The following CCR9 variants were observed in gnomAD, a reference collection of about 807,000 sequenced individuals.
CCR9 encodes C-C chemokine receptor type 9.
CCR9 carries 4 observed loss-of-function variants against 8.7 expected under a neutral mutation model. That is an observed-to-expected ratio of 0.46 (90% CI 0.23 to 1.06). CCR9 has a LOEUF of 1.06. Among genes scored for constraint, CCR9 ranks in the 50% least tolerant of loss-of-function variants. The probability of loss-of-function intolerance (pLI) is 0.21; values close to 1 mark genes in which losing one functional copy is unlikely to be tolerated. For missense variants in CCR9, 394 were observed against 453.6 expected (o/e 0.87, Z 1.19); for synonymous variants, 159 against 168.8 (o/e 0.94, Z 0.45).
chr3:45,890,352 T>TAAATATATATATATATAAC (rs1702137743), intron 1 of CCR9, among the ~76,000 whole-genome samples: 2 of 16,170 alleles, frequency 1.2e-4, no homozygotes, highest in African/African-American at 5.0e-4. Context: ...ATATATAACA[T>TAAATATATATATATATAAC]ATATATATAT....
chr3:45,886,131 T>A (rs974266747), upstream of CCR9, among the ~76,000 whole-genome samples: 2 of 152,176 alleles, frequency 1.3e-5, no homozygotes, highest in Non-Finnish European at 2.9e-5. Context: ...CCAGAAAAGG[T>A]ATGTTGCGAT....
chr3:45,893,040 C>G (rs946788462), intron 1 of CCR9, among the ~76,000 whole-genome samples: 7 of 152,204 alleles, frequency 4.6e-5, no homozygotes, highest in African/African-American at 1.7e-4. Context: ...CGTACATACA[C>G]CCTTGCGAAG....
At chr3:45,895,234 G>C (rs1005349055) in intron 2 of CCR9, 9 of 505,408 alleles carry the variant, frequency 1.8e-5, no homozygotes, top group Non-Finnish European at 3.2e-5. Flanking sequence ...ACTAGGGTGT[G>C]CTTAGTTCCA....
chr3:45,902,087 A>C lies in CCR9; in HGVS notation c.*189A>C. 1 of 571,844 alleles carries C rather than the reference A, an allele frequency of 1.7e-6. No individual in the cohort carries two copies. The allele number at this position is 571,844 out of a possible 1,614,324, so 35.4% of individuals were successfully genotyped here. A position where few individuals can be genotyped will look rare whatever the true frequency, so the allele number is the denominator to read the frequency against. On this transcript the variant is annotated 3_prime_UTR_variant, in exon 3 of 3. Coordinates refer to ENST00000357632, the MANE Select transcript of CCR9 (RefSeq NM_031200.3). ...TTCAAAATCAACTGACTAGTGCAGG[A>C]GGCTGTTGATTGGCTCTTGACTGTG... is the stretch of plus-strand genomic sequence containing the variant.
chr3:45,887,727 G>T (rs952751443), intron 1 of CCR9, among the ~76,000 whole-genome samples: 2 of 152,214 alleles, frequency 1.3e-5, no homozygotes, highest in African/African-American at 4.8e-5. Flanking sequence ...AAGCCTCTTT[G>T]TGTAGGCCTC....
intron 1 of CCR9, among the ~76,000 whole-genome samples, chr3:45,892,224 A>T (rs1702202809): frequency 6.6e-6 from 1 of 152,214 alleles, no homozygotes; most frequent in Non-Finnish European, 1.5e-5. Flanking sequence ...ATCTAATTTA[A>T]TCTTAAAAAC....
rs551432132 is a variant in CCR9, at chr3:45,889,339, C to CTAG, written c.-29+2686_-29+2688dup. Among the ~76,000 whole-genome samples, 151 of 152,178 alleles carry CTAG rather than the reference C, an allele frequency of 9.9e-4. 2 individuals carry two copies. The highest frequency in any genetic ancestry group is 1.5e-3 in the Non-Finnish European group (104 of 67,994). On this transcript the variant is annotated intron_variant, in intron 1 of 2. Coordinates refer to ENST00000357632, the MANE Select transcript of CCR9 (RefSeq NM_031200.3). Reference sequence around the variant, plus strand: ...AATAAAGAGAAACCTTTATAGAAAGCTAGTGTACAACTTAGTTGCATAAAG... The same window carrying CTAG: ...AATAAAGAGAAACCTTTATAGAAAGCTAGTAGTGTACAACTTAGTTGCATAAAG...
rs1702592016 is a variant in CCR9, at chr3:45,902,546, C to T, written c.*648C>T. 1.2e-5 allele frequency: 2 copies of T among 167,210 alleles called. No individual in the cohort carries two copies. The highest frequency in any genetic ancestry group is 1.5e-5 in the Non-Finnish European group (1 of 68,220). 10.4% of individuals were successfully genotyped at this position (167,210 alleles called of 1,614,324 possible). On this transcript the variant is annotated 3_prime_UTR_variant, in exon 3 of 3. Transcript: ENST00000357632. ...GAACCCCTGGACAACTGACCACACCCACAAGGCATCCAAAGTCTGTTGGCT... is the reference window on the plus strand; with the variant it reads ...GAACCCCTGGACAACTGACCACACCTACAAGGCATCCAAAGTCTGTTGGCT...
chr3:45,902,115 G>A lies in CCR9; in HGVS notation c.*217G>A. 1 of 496,198 alleles carries A rather than the reference G, an allele frequency of 2.0e-6. No individual in the cohort carries two copies. Among genetic ancestry groups the A allele is most frequent in the Non-Finnish European group, 3.6e-6 (1 of 275,574 alleles). 30.7% of individuals were successfully genotyped at this position (496,198 alleles called of 1,614,324 possible). On this transcript the variant is annotated 3_prime_UTR_variant, in exon 3 of 3. Coordinates refer to ENST00000357632, the MANE Select transcript of CCR9 (RefSeq NM_031200.3). The stretch of plus-strand genomic sequence containing the variant: ...CTGTTGATTGGCTCTTGACTGTGAT[G>A]CCCGCAATTCTCAAAGGAGGACTAA...
At chr3:45,897,992 A>AAC (rs1553617314) in intron 2 of CCR9, among the ~76,000 whole-genome samples, 6 of 149,526 alleles carry the variant, frequency 4.0e-5, no homozygotes, top group East Asian at 2.0e-4. Flanking sequence ...AAAAAAAAAA[A>AAC]ACACACAAAA....
At position 45,901,276 on chromosome 3, in the gene CCR9, T is replaced by G. The variant is rs1195028396; in HGVS notation, c.488T>G (p.Leu163Trp). The G allele has an allele frequency of 2.8e-5, 45 of 1,614,116 alleles. No homozygotes were observed. The highest frequency in any genetic ancestry group is 3.4e-5 in the Non-Finnish European group (40 of 1,180,050). The change falls in exon 3 of 3, where the codon TTG becomes TGG. Residue 163 changes from leucine (L) to tryptophan (W), a missense_variant. Leu to Trp is a moderately conservative substitution (Grantham distance 61, BLOSUM62 -2). Transcript: ENST00000357632. The surrounding 1 kb of genome is among the most constrained non-coding windows in gnomAD (Gnocchi z 4.3). ...RAHTWREKRL[L>W]YSKMVCFTIW... is the part of the protein sequence containing the mutation. ...CATACTTGGAGGGAGAAAAGGCTTT[T>G]GTACAGCAAAATGGTTTGCTTTACC...
At position 45,900,937 on chromosome 3, in the gene CCR9, T is replaced by TC. The variant is rs1395192827; in HGVS notation, c.151dup (p.Leu51ProfsTer44). On this transcript the variant is annotated frameshift_variant, in exon 3 of 3. Coordinates refer to ENST00000357632, the MANE Select transcript of CCR9 (RefSeq NM_031200.3). LOFTEE classifies it low-confidence loss of function (END_TRUNC). The surrounding 1 kb of genome is among the most constrained non-coding windows in gnomAD (Gnocchi z 4.7). ...AATGTCAGGCAGTTTGCGAGCCATT[T>TC]CCTCCCACCCTTGTACTGGCTCGTG... 2 of 1,614,090 alleles carry TC rather than the reference T, an allele frequency of 1.2e-6. No individual in the cohort carries two copies. The highest frequency in any genetic ancestry group is 8.5e-7 in the Non-Finnish European group (1 of 1,180,040).
At chr3:45,894,674 C>A (rs1406748021) in intron 1 of CCR9, among the ~76,000 whole-genome samples, 1 of 152,064 alleles carries the variant, frequency 6.6e-6, no homozygotes, top group Non-Finnish European at 1.5e-5. Context: ...ATCAGGTGAC[C>A]CTCAGAGTCA....
chr3:45,901,826 T>G lies in CCR9; in HGVS notation c.1038T>G (p.Phe346Leu), dbSNP rs200106483. 1 of 1,613,838 alleles carries G rather than the reference T, an allele frequency of 6.2e-7. No homozygotes were observed. Among genetic ancestry groups the G allele is most frequent in the Non-Finnish European group, 8.5e-7 (1 of 1,179,722 alleles). ...GCISQAQWVS[F>L]TRREGSLKLS... Reference sequence around the variant, plus strand: ...TCAGCCAGGCCCAGTGGGTTTCATTTACAAGGAGAGAGGGAAGCTTGAAGC... The same window carrying G: ...TCAGCCAGGCCCAGTGGGTTTCATTGACAAGGAGAGAGGGAAGCTTGAAGC... Residue 346 changes from phenylalanine (F) to leucine (L), a missense_variant, in exon 3 of 3, where the codon TTT (phenylalanine) becomes TTG (leucine). Physicochemically the swap from Phe to Leu is conservative, Grantham distance 22 (BLOSUM62 0). Transcript: ENST00000357632. The surrounding 1 kb of genome is among the most constrained non-coding windows in gnomAD (Gnocchi z 4.3).
intron 2 of CCR9, among the ~76,000 whole-genome samples, chr3:45,898,058 C>T (rs1173231824): frequency 6.6e-6 from 1 of 151,634 alleles, no homozygotes; most frequent in African/African-American, 2.4e-5. Context: ...AAGTTTAGCA[C>T]TTATTCATTG....
At position 45,902,569 on chromosome 3, in the gene CCR9, G is replaced by C. The variant is rs200857548; in HGVS notation, c.*671G>C. 4.8e-5 allele frequency: 8 copies of C among 167,300 alleles called. No homozygotes were observed. The South Asian group carries it at 1.7e-3, about 35-fold the overall frequency. The allele number at this position is 167,300 out of a possible 1,614,324, so 10.4% of individuals were successfully genotyped here. On this transcript the variant is annotated 3_prime_UTR_variant, in exon 3 of 3. Coordinates refer to ENST00000357632, the MANE Select transcript of CCR9 (RefSeq NM_031200.3). ...CCCACAAGGCATCCAAAGTCTGTTG[G>C]CTTCCAATCCATTTCTGTGTCCTGC...
rs1231589624 is a variant in CCR9, at chr3:45,902,084, A to C, written c.*186A>C. On this transcript the variant is annotated 3_prime_UTR_variant, in exon 3 of 3. Coordinates refer to ENST00000357632, the MANE Select transcript of CCR9 (RefSeq NM_031200.3). ...TATTTCAAAATCAACTGACTAGTGC[A>C]GGAGGCTGTTGATTGGCTCTTGACT... 4 of 577,812 alleles carry C rather than the reference A, an allele frequency of 6.9e-6. No individual in the cohort carries two copies. The Admixed American group carries it at 1.0e-4, about 15-fold the overall frequency. 35.8% of individuals were successfully genotyped at this position (577,812 alleles called of 1,614,324 possible).
rs1340731844 is a variant in CCR9, at chr3:45,902,077, C to T, written c.*179C>T. 6.6e-6 allele frequency: 4 copies of T among 604,284 alleles called. No homozygotes were observed. Among genetic ancestry groups the T allele is most frequent in the Non-Finnish European group, 1.2e-5 (4 of 343,236 alleles). 37.4% of individuals were successfully genotyped at this position (604,284 alleles called of 1,614,324 possible). Reference sequence around the variant, plus strand: ...AAGCAAATATTTCAAAATCAACTGACTAGTGCAGGAGGCTGTTGATTGGCT... The same window carrying T: ...AAGCAAATATTTCAAAATCAACTGATTAGTGCAGGAGGCTGTTGATTGGCT... On this transcript the variant is annotated 3_prime_UTR_variant, in exon 3 of 3. Coordinates refer to ENST00000357632, the MANE Select transcript of CCR9 (RefSeq NM_031200.3).
chr3:45,888,661 C>T (rs190789434), intron 1 of CCR9, among the ~76,000 whole-genome samples: 7 of 152,326 alleles, frequency 4.6e-5, no homozygotes, highest in African/African-American at 1.4e-4. Context: ...ATGGTCCTCA[C>T]TCTCAGTATG....
Sources: gnomAD v4.1 joint callset for allele counts (sites outside exome capture counted in the v4.1 genomes callset) on GRCh38, gnomAD v4.1.1 for gene constraint, Gnocchi (gnomAD v3.1) non-coding constraint, MANE v1.5 for transcripts, NCBI Gene and HGNC (gene_info 2026-07-23, HGNC 2026-07-21) for gene names.